Variants in SEMA4B observed in about 807,000 individuals in gnomAD.
SEMA4B encodes semaphorin 4B.
SEMA4B carries 55 observed loss-of-function variants against 88.1 expected under a neutral mutation model. The observed-to-expected ratio is 0.62, with a 90% confidence interval of 0.50 to 0.78. SEMA4B has a LOEUF of 0.78. SEMA4B is among the 30% of genes least tolerant of loss of function. SEMA4B has a pLI of 0.00. For missense variants in SEMA4B, 1,062 were observed against 1,111.9 expected (o/e 0.96, Z 0.64); for synonymous variants, 525 against 473.6 (o/e 1.11, Z -1.41).
rs553137783 is a variant in SEMA4B, at chr15:90,201,688, C to T, written c.110C>T (p.Pro37Leu). ...LLLLLLLLLQPPPPTWALSPR... is the reference protein window; with the variant it reads ...LLLLLLLLLQLPPPTWALSPR... ...CTGCTGCTGCTGCTCCTGCTGCAGC[C>T]GCCGCCTCCGACCTGGGCGCTCAGC... Residue 37 changes from proline to leucine, a missense_variant, in exon 1 of 14, where the codon CCG (proline) becomes CTG (leucine). By Grantham distance (98) the Pro-to-Leu change is moderately conservative. Transcript: ENST00000411539. 7 of 1,509,780 alleles carry T rather than the reference C, an allele frequency of 4.6e-6. No homozygotes were observed. The Admixed American group carries it at 8.1e-5, about 18-fold the overall frequency. The allele number at this position is 1,509,780 out of a possible 1,614,324, so 93.5% of individuals were successfully genotyped here.
At chr15:90,189,774 A>G (rs905485675) in intron 1 of SEMA4B, among the ~76,000 whole-genome samples, 5 of 152,204 alleles carry the variant, frequency 3.3e-5, no homozygotes, top group African/African-American at 1.2e-4. Flanking sequence ...TTGAAATTAA[A>G]TGAAAGCTCT....
At chr15:90,201,785 G>A in intron 1 of SEMA4B, 50 bp downstream of exon 1, 1 of 1,374,710 alleles carries the variant, frequency 7.3e-7, no homozygotes, top group Non-Finnish European at 9.4e-7. Flanking sequence ...AAGGCTGCCG[G>A]GGACGTGCCT....
Position 90,224,989 on chromosome 15 carries a change from G to A in SEMA4B, c.1216G>A (p.Glu406Lys). Residue 406 changes from glutamate (E) to lysine (K), a missense_variant, in exon 10 of 14, where the codon GAA (glutamate) becomes AAA (lysine). Coordinates refer to ENST00000411539, the MANE Select transcript of SEMA4B (RefSeq NM_198925.4). ...CCAGTGCATCACCAACAGTGCCCGG[G>A]AAAGGAAGATCAACTCATCCCTGCA... ...PGACITNSAR[E>K]RKINSSLQLP... 1 of 1,613,954 alleles carries A rather than the reference G, an allele frequency of 6.2e-7. No homozygotes were observed. Among genetic ancestry groups the A allele is most frequent in the Non-Finnish European group, 8.5e-7 (1 of 1,179,866 alleles).
rs535540348 is a variant in SEMA4B, at chr15:90,209,662, A to T, written c.158-7777A>T. Among the ~76,000 whole-genome samples, 3 of 152,338 alleles carry T rather than the reference A, an allele frequency of 2.0e-5. No individual in the cohort carries two copies. In the East Asian group the frequency reaches 5.8e-4, roughly 29 times the overall value. Reference sequence around the variant, plus strand: ...CCGACAGTGTCACCAGTGCACTACAAGACGTGTGAACAGGAAATGATGGGC... The same window carrying T: ...CCGACAGTGTCACCAGTGCACTACATGACGTGTGAACAGGAAATGATGGGC... On this transcript the variant is annotated intron_variant, in intron 1 of 13. Coordinates refer to ENST00000411539, the MANE Select transcript of SEMA4B (RefSeq NM_198925.4).
chr15:90,206,294 G>A (rs969304995), intron 1 of SEMA4B, among the ~76,000 whole-genome samples: 15 of 152,170 alleles, frequency 9.9e-5, no homozygotes, highest in Admixed American at 2.6e-4. Context: ...AACACAACGC[G>A]AGACTCCTGT....
At chr15:90,207,660 C>A (rs1286989377) in intron 1 of SEMA4B, among the ~76,000 whole-genome samples, 1 of 152,256 alleles carries the variant, frequency 6.6e-6, no homozygotes, top group Non-Finnish European at 1.5e-5. Flanking sequence ...CAGCTGCCTC[C>A]TGCTTCACCT....
chr15:90,210,837 C>G (rs1468187386), intron 1 of SEMA4B, among the ~76,000 whole-genome samples: 1 of 152,050 alleles, frequency 6.6e-6, no homozygotes, highest in Non-Finnish European at 1.5e-5. Context: ...GGCCCAACTT[C>G]TGTGGAGGAG....
In SEMA4B at chr15:90,229,170, G is replaced by A. The variant is rs1472538018; in HGVS notation, c.*527G>A. On this transcript the variant is annotated 3_prime_UTR_variant, in exon 14 of 14. Coordinates refer to ENST00000411539, the MANE Select transcript of SEMA4B (RefSeq NM_198925.4). ...GGGCTGCGTGCGTTCTGCCTTGCCA[G>A]TCAGCCGAGGATGTAGTTGTTGCTG... The A allele has an allele frequency of 5.3e-6, 2 of 380,006 alleles. No individual in the cohort carries two copies. Among genetic ancestry groups the A allele is most frequent in the Non-Finnish European group, 1.1e-5 (2 of 188,844 alleles). 23.5% of individuals were successfully genotyped at this position (380,006 alleles called of 1,614,324 possible).
chr15:90,217,910 T>C (rs1005202100), intron 3 of SEMA4B, 81 bp downstream of exon 3: 5 of 1,214,636 alleles, frequency 4.1e-6, no homozygotes, highest in Non-Finnish European at 5.9e-6. Context: ...AGGCGGGAGG[T>C]GGGAGCAGAT....
rs572879357 is a variant in SEMA4B at position 90,214,065 on chromosome 15, G to C, written c.158-3374G>C. Among the ~76,000 whole-genome samples the C allele has an allele frequency of 1.2e-3, 181 of 152,334 alleles. 1 individual carries two copies. Among genetic ancestry groups the C allele is most frequent in the African/African-American group, 4.3e-3 (178 of 41,576 alleles). ...CAGGTGTAAAGCTGAGCTTCGGCTGGGCGCGGTGGCTCAGGCCTATAATCC... is the reference window on the plus strand; with the variant it reads ...CAGGTGTAAAGCTGAGCTTCGGCTGCGCGCGGTGGCTCAGGCCTATAATCC... On this transcript the variant is annotated intron_variant, in intron 1 of 13. Coordinates refer to ENST00000411539, the MANE Select transcript of SEMA4B (RefSeq NM_198925.4).
intron 1 of SEMA4B, among the ~76,000 whole-genome samples, chr15:90,190,665 G>A (rs370962933): frequency 6.6e-6 from 1 of 152,172 alleles, no homozygotes; most frequent in Non-Finnish European, 1.5e-5. Flanking sequence ...GGAATAACTC[G>A]ATAGCAAATG....
Position 90,225,335 on chromosome 15 carries a change from G to C in SEMA4B, c.1459G>C (p.Glu487Gln). Residue 487 changes from glutamate (E) to glutamine (Q), a missense_variant, in exon 11 of 14, where the codon GAG becomes CAG. Transcript: ENST00000411539. ...CGTGGGCCCCCGGGTGCACATCATT[G>C]AGGAGCTGCAGATCTTCTCATCGGG... ...VSVGPRVHII[E>Q]ELQIFSSGQP... 1 of 1,558,350 alleles carries C rather than the reference G, an allele frequency of 6.4e-7. No individual in the cohort carries two copies. Among genetic ancestry groups the C allele is most frequent in the East Asian group, 2.4e-5 (1 of 41,568 alleles).
Position 90,215,041 on chromosome 15 carries a change from CTG to C in SEMA4B, c.158-2396_158-2395del, listed in dbSNP as rs1961465975. The C allele has an allele frequency of 4.0e-6, 5 of 1,241,682 alleles. 1 individual carries two copies. The Admixed American group carries it at 1.0e-4, about 25-fold the overall frequency. The allele number at this position is 1,241,682 out of a possible 1,614,324, so 76.9% of individuals were successfully genotyped here. On this transcript the variant is annotated intron_variant, in intron 1 of 13. Coordinates refer to ENST00000411539, the MANE Select transcript of SEMA4B (RefSeq NM_198925.4). ...TTTTTGCTTCCTCAGCTTCGTGAGA[CTG>C]TTTGTGTGGTCATAACCCACTGGTC...
chr15:90,204,727 G>A (rs1162114110), intron 1 of SEMA4B, among the ~76,000 whole-genome samples: 1 of 152,104 alleles, frequency 6.6e-6, no homozygotes, highest in African/African-American at 2.4e-5. Context: ...TCCTCTCATG[G>A]CCCTCCAAAG....
upstream of SEMA4B, among the ~76,000 whole-genome samples, chr15:90,197,311 G>A (rs1012908707): frequency 6.6e-6 from 1 of 152,058 alleles, no homozygotes; most frequent in Non-Finnish European, 1.5e-5. Flanking sequence ...GATTGCTTGA[G>A]CCTGAGAGGT....
intron 1 of SEMA4B, among the ~76,000 whole-genome samples, chr15:90,186,509 C>CT (rs1960171244): frequency 6.6e-6 from 1 of 152,168 alleles, no homozygotes; most frequent in South Asian, 2.1e-4. Context: ...ATCGCAGCGA[C>CT]TTGGGAGGCT....
At chr15:90,226,863 C>G (rs1215375276) in intron 12 of SEMA4B, among the ~76,000 whole-genome samples, 2 of 151,856 alleles carry the variant, frequency 1.3e-5, no homozygotes, top group Non-Finnish European at 2.9e-5. Context: ...TTATCTGTCT[C>G]CTGAGTGTAT....
In SEMA4B at chr15:90,223,901, C is replaced by T. The variant is rs1962002151; in HGVS notation, c.1107C>T (p.Val369=). 1.2e-6 allele frequency: 2 copies of T among 1,613,966 alleles called. No homozygotes were observed. The highest frequency in any genetic ancestry group is 1.7e-6 in the Non-Finnish European group (2 of 1,179,888). The change falls in exon 9 of 14, where the codon GTC becomes GTT. Residue 369 remains valine (V), a synonymous_variant. Coordinates refer to ENST00000411539, the MANE Select transcript of SEMA4B (RefSeq NM_198925.4). ...TCACAATGAAGGATGTGCAGAGAGT[C>T]TTCAGCGGCCTCTACAAGGAGGTGA... ...CVFTMKDVQR[V]FSGLYKEVNR...
At chr15:90,185,951 T>TTC (rs1960153323) in intron 1 of SEMA4B, among the ~76,000 whole-genome samples, 1 of 101,462 alleles carries the variant, frequency 9.9e-6, no homozygotes, top group African/African-American at 4.4e-5. Flanking sequence ...TTTTTTTTTT[T>TTC]GAGACGGAGT....
Sources: allele counts gnomAD v4.1 joint callset (sites outside exome capture counted in the v4.1 genomes callset), GRCh38; gene constraint gnomAD v4.1.1; transcripts MANE v1.5; gene names NCBI Gene and HGNC (gene_info 2026-07-23, HGNC 2026-07-21).